The following EYS variants were observed in gnomAD, a reference collection of about 807,000 sequenced individuals.
The protein encoded by EYS is protein eyes shut homolog.
EYS carries 250 observed loss-of-function variants against 282.1 expected under a neutral mutation model. That is an observed-to-expected ratio of 0.89 (90% CI 0.80 to 0.98). The LOEUF is 0.98. Ranked by LOEUF, EYS falls within the 50% of genes least tolerant of loss-of-function variation. The pLI, the probability that EYS is intolerant of heterozygous loss-of-function variation, is 0.00. For synonymous variants in EYS, 1,355 were observed against 1,282.9 expected, an observed-to-expected ratio of 1.06 and a Z score of -1.20; for missense variants, 4,016 against 3,709.0, an observed-to-expected ratio of 1.08 and a Z score of -2.15.
At chr6:65,541,281 C>A (rs139486640) in intron 2 of EYS, among the ~76,000 whole-genome samples, 1 of 152,044 alleles carries the variant, frequency 6.6e-6, no homozygotes, top group African/African-American at 2.4e-5. Context: ...TTAAACATTG[C>A]GATTAATAGT....
chr6:65,123,040 T>A (rs1280533371), intron 12 of EYS, among the ~76,000 whole-genome samples: 2 of 152,140 alleles, frequency 1.3e-5, no homozygotes, highest in Non-Finnish European at 2.9e-5. Context: ...AGCTATGCTA[T>A]GTCTATTTAA....
At chr6:64,619,103 AG>A (rs1767366066) in intron 23 of EYS, among the ~76,000 whole-genome samples, 1 of 152,146 alleles carries the variant, frequency 6.6e-6, no homozygotes, top group South Asian at 2.1e-4. Context: ...ATGTCCCTGG[AG>A]GGATATAGAG....
intron 12 of EYS, among the ~76,000 whole-genome samples, chr6:65,279,061 T>A (rs1029204169): frequency 6.6e-6 from 1 of 152,006 alleles, no homozygotes; most frequent in Non-Finnish European, 1.5e-5. Flanking sequence ...TGTGGTGGCA[T>A]CCTGTAGTCC....
chr6:64,977,131 G>T (rs1045840185), intron 14 of EYS, among the ~76,000 whole-genome samples: 10 of 151,958 alleles, frequency 6.6e-5, no homozygotes, highest in African/African-American at 2.4e-4. Flanking sequence ...GATCTCAAAT[G>T]ATCTGCCCAC....
chr6:63,833,063 A>G (rs1368997900), intron 36 of EYS, among the ~76,000 whole-genome samples: 1 of 152,240 alleles, frequency 6.6e-6, no homozygotes, highest in Admixed American at 6.5e-5. Flanking sequence ...GATGGGATGT[A>G]TCTCAAAATA....
intron 22 of EYS, among the ~76,000 whole-genome samples, chr6:64,764,265 C>T (rs1386984910): frequency 6.6e-6 from 1 of 152,226 alleles, no homozygotes; most frequent in Non-Finnish European, 1.5e-5. Flanking sequence ...CAGGCATTTC[C>T]AAACATCTTC....
intron 26 of EYS, among the ~76,000 whole-genome samples, chr6:64,512,112 T>C (rs1175451659): frequency 6.6e-6 from 1 of 152,088 alleles, no homozygotes; most frequent in African/African-American, 2.4e-5. Flanking sequence ...TATGCACACA[T>C]ACATACATGC....
chr6:65,054,780 C>T (rs193056702), intron 13 of EYS, among the ~76,000 whole-genome samples: 9 of 151,928 alleles, frequency 5.9e-5, no homozygotes, highest in African/African-American at 2.2e-4. Context: ...TGTTAATGTA[C>T]CATATAAAGC....
chr6:63,765,618 C>T (rs1467538048), intron 40 of EYS, among the ~76,000 whole-genome samples: 1 of 151,880 alleles, frequency 6.6e-6, no homozygotes, highest in Non-Finnish European at 1.5e-5. Context: ...TATCCATACC[C>T]TCAAGCATTT....
intron 22 of EYS, among the ~76,000 whole-genome samples, chr6:64,693,929 T>A (rs1269370935): frequency 6.6e-6 from 1 of 152,104 alleles, no homozygotes; most frequent in Non-Finnish European, 1.5e-5. Context: ...ACATAAGTGA[T>A]GAAATGATTA....
At chr6:65,613,401 T>G (rs966309079) in intron 2 of EYS, among the ~76,000 whole-genome samples, 1 of 151,860 alleles carries the variant, frequency 6.6e-6, no homozygotes, top group Admixed American at 6.6e-5. Flanking sequence ...ATCATAGTAA[T>G]TATGAACATA....
At chr6:64,655,698 T>C (rs530428385) in intron 22 of EYS, among the ~76,000 whole-genome samples, 1 of 152,106 alleles carries the variant, frequency 6.6e-6, no homozygotes, top group Admixed American at 6.5e-5. Context: ...TCTATATATA[T>C]AATAAGTCAT....
rs141945573 is a variant in EYS, at chr6:64,003,277, T to C, written c.6726-4094A>G. 1.6e-3 allele frequency among the ~76,000 whole-genome samples: 242 copies of C among 152,134 alleles called. 2 individuals are homozygous for C. In the East Asian group the frequency reaches 0.036, roughly 23 times the overall value. ...AAACAACTGAACTCATGAAGATAGA[T>C]AGAATGGTTACCAGAGGCTGAGAAG... is the stretch of plus-strand genomic sequence containing the variant. On this transcript the variant is annotated intron_variant, in intron 33 of 42. Coordinates refer to ENST00000503581, the MANE Select transcript of EYS (RefSeq NM_001142800.2).
intron 2 of EYS, among the ~76,000 whole-genome samples, chr6:65,549,755 T>C (rs1582444155): frequency 6.6e-6 from 1 of 152,240 alleles, no homozygotes; most frequent in East Asian, 1.9e-4. Flanking sequence ...TTTTCCAACC[T>C]GACTTTCTCC....
At chr6:64,162,886 T>C (rs1343782269) in intron 31 of EYS, among the ~76,000 whole-genome samples, 5 of 152,184 alleles carry the variant, frequency 3.3e-5, no homozygotes, top group African/African-American at 1.2e-4. Flanking sequence ...CCAAACTTCA[T>C]AGTTTACTGT....
intron 35 of EYS, among the ~76,000 whole-genome samples, chr6:63,895,621 G>A (rs774196278): frequency 8.5e-5 from 13 of 152,148 alleles, no homozygotes; most frequent in Non-Finnish European, 1.6e-4. Flanking sequence ...TGGTCTACAT[G>A]GCATCTTTCA....
chr6:64,591,962 T>C lies in EYS; in HGVS notation c.3905A>G (p.His1302Arg), dbSNP rs886061676. The C allele has an allele frequency of 1.3e-6, 2 of 1,506,044 alleles. No homozygotes were observed. Among genetic ancestry groups the C allele is most frequent in the South Asian group, 2.6e-5 (2 of 77,000 alleles). The allele number at this position is 1,506,044 out of a possible 1,614,324, so 93.3% of individuals were successfully genotyped here. ...CAAACCAGTGGTTGGGAGAATGTCG[T>C]GCTTGACAATGCCTGTCTGTTTTGG... ...QGPKQTGIVK[H>R]DILPTTGLAT... Residue 1302 changes from histidine (H) to arginine (R), a missense_variant, in exon 26 of 43, where the codon CAC (histidine) becomes CGC (arginine). Physicochemically the swap from His to Arg is conservative, Grantham distance 29. Coordinates refer to ENST00000503581, the MANE Select transcript of EYS (RefSeq NM_001142800.2).
chr6:64,294,365 AATG>A (rs1348636403), intron 30 of EYS, among the ~76,000 whole-genome samples: 1 of 152,224 alleles, frequency 6.6e-6, no homozygotes, highest in Admixed American at 6.5e-5. Context: ...AAATTTAAAA[AATG>A]TGTCACTGAG....
At chr6:64,690,270 A>C (rs1056695238) in intron 22 of EYS, among the ~76,000 whole-genome samples, 7 of 152,150 alleles carry the variant, frequency 4.6e-5, no homozygotes, top group Non-Finnish European at 1.0e-4. Flanking sequence ...AATCAAAACC[A>C]CGACGAGATA....
Sources: gnomAD v4.1 joint callset for allele counts (sites outside exome capture counted in the v4.1 genomes callset) on GRCh38, gnomAD v4.1.1 for gene constraint, MANE v1.5 for transcripts, NCBI Gene and HGNC (gene_info 2026-07-23, HGNC 2026-07-21) for gene names.